SERPINB11: variants seen among roughly 807,000 people sequenced by gnomAD.
The protein encoded by SERPINB11 is serpin B11.
SERPINB11 carries 32 observed loss-of-function variants against 36.7 expected under a neutral mutation model. The observed-to-expected ratio is 0.87, with a 90% confidence interval of 0.66 to 1.17. The LOEUF (loss-of-function observed/expected upper bound fraction) is 1.17, where lower values mean the gene tolerates loss of function less well. SERPINB11 is among the 50% of genes most tolerant of loss of function. The pLI is 0.00. For missense variants in SERPINB11, 528 were observed against 458.4 expected, an observed-to-expected ratio of 1.15 and a Z score of -1.39; for synonymous variants, 174 against 168.1, an observed-to-expected ratio of 1.04 and a Z score of -0.27.
intron 2 of SERPINB11, among the ~76,000 whole-genome samples, chr18:63,710,588 CAGT>C (rs1914497969): frequency 1.3e-5 from 2 of 152,188 alleles, no homozygotes; most frequent in Non-Finnish European, 2.9e-5. Context: ...TTTTTACTAT[CAGT>C]GGTATCACAA....
Position 63,716,113 on chromosome 18 carries a change from A to G in SERPINB11, c.436A>G (p.Arg146Gly). Residue 146 changes from arginine to glycine, a missense_variant, in exon 5 of 8, where the codon AGG (arginine) becomes GGG (glycine). Transcript: ENST00000544088. ...VDFEQSTEET[R>G]KTINAWVENK... is the part of the protein sequence containing the mutation. ...TTTTGAACAGTCTACAGAAGAAACG[A>G]GGAAAACGATTAATGCTTGGGTTGA... The G allele has an allele frequency of 2.5e-6, 4 of 1,611,456 alleles. No homozygotes were observed. The highest frequency in any genetic ancestry group is 3.4e-6 in the Non-Finnish European group (4 of 1,178,282).
chr18:63,712,515 GC>G (rs763501797), intron 3 of SERPINB11, 49 bp from the exon 4 acceptor site: 16 of 1,601,496 alleles, frequency 1.0e-5, no homozygotes, highest in Non-Finnish European at 1.4e-5. Context: ...TTCTCCAATG[GC>G]AAAAATCAAG....
chr18:63,710,390 A>C, intron 2 of SERPINB11, 29 bp downstream of exon 2: 1 of 1,572,024 alleles, frequency 6.4e-7, no homozygotes. Context: ...GTTTGTTCAG[A>C]ACCCAGAAGT....
chr18:63,719,906 T>G, intron 5 of SERPINB11, 107 bp from the exon 6 acceptor site: 3 of 873,912 alleles, frequency 3.4e-6, no homozygotes, highest in Non-Finnish European at 5.0e-6. Flanking sequence ...TATCTCAAAT[T>G]TACAATTAGT....
chr18:63,723,495 C>A lies in SERPINB11; in HGVS notation c.*96C>A. On this transcript the variant is annotated 3_prime_UTR_variant, in exon 8 of 8. Transcript: ENST00000544088. Reference sequence around the variant, plus strand: ...CAAAAAGCTGTTCACACCTCACACACCTCTGTGCCTCAGTTTGCTCATCTG... The same window carrying A: ...CAAAAAGCTGTTCACACCTCACACAACTCTGTGCCTCAGTTTGCTCATCTG... 1 of 1,147,484 alleles carries A rather than the reference C, an allele frequency of 8.7e-7. No homozygotes were observed. The highest frequency in any genetic ancestry group is 1.7e-5 in the South Asian group (1 of 58,984). 71.1% of individuals were successfully genotyped at this position (1,147,484 alleles called of 1,614,324 possible).
intron 6 of SERPINB11, 108 bp downstream of exon 6, chr18:63,720,263 C>A: frequency 1.0e-6 from 1 of 968,710 alleles, no homozygotes. Flanking sequence ...GTCTAGGTTT[C>A]TGTTGGTTCT....
intron 7 of SERPINB11, among the ~76,000 whole-genome samples, chr18:63,722,693 A>G (rs907639993): frequency 1.3e-5 from 2 of 152,214 alleles, no homozygotes; most frequent in African/African-American, 4.8e-5. Context: ...CAGGACCATG[A>G]CAACTTCACA....
chr18:63,721,589 G>C (rs1449332650), intron 7 of SERPINB11, among the ~76,000 whole-genome samples: 1 of 152,212 alleles, frequency 6.6e-6, no homozygotes, highest in South Asian at 2.1e-4. Flanking sequence ...GGGTGATATA[G>C]CCTAACAGTT....
chr18:63,704,282 T>C (rs1914314602), intron 1 of SERPINB11, among the ~76,000 whole-genome samples: 1 of 152,224 alleles, frequency 6.6e-6, no homozygotes, highest in Non-Finnish European at 1.5e-5. Flanking sequence ...AACCAAAATC[T>C]ATAAATCCAT....
intron 5 of SERPINB11, among the ~76,000 whole-genome samples, chr18:63,716,424 T>G (rs905599824): frequency 6.6e-6 from 1 of 152,194 alleles, no homozygotes; most frequent in Non-Finnish European, 1.5e-5. Flanking sequence ...TTTTCACAAT[T>G]AAAAACCCAT....
chr18:63,723,409 G>A lies in SERPINB11; in HGVS notation c.*10G>A. 1 of 1,584,354 alleles carries A rather than the reference G, an allele frequency of 6.3e-7. No homozygotes were observed. On this transcript the variant is annotated 3_prime_UTR_variant, in exon 8 of 8. Transcript: ENST00000544088. ...GCTTGCCTCTCCCTAATCAGATGGGGTTGAGCAAGGCTCAGAGTTGCAGAT... is the reference window on the plus strand; with the variant it reads ...GCTTGCCTCTCCCTAATCAGATGGGATTGAGCAAGGCTCAGAGTTGCAGAT...
chr18:63,714,720 G>T (rs1484681322), intron 4 of SERPINB11, among the ~76,000 whole-genome samples: 1 of 152,116 alleles, frequency 6.6e-6, no homozygotes, highest in Non-Finnish European at 1.5e-5. Context: ...GAACATCGCT[G>T]TTATCCTGTT....
chr18:63,707,410 T>C (rs1034839185), intron 1 of SERPINB11, among the ~76,000 whole-genome samples: 1 of 152,210 alleles, frequency 6.6e-6, no homozygotes, highest in African/African-American at 2.4e-5. Flanking sequence ...TCAAGGGGCA[T>C]GCAAGGCTTC....
At chr18:63,715,226 C>T (rs1277259550) in intron 4 of SERPINB11, among the ~76,000 whole-genome samples, 1 of 152,086 alleles carries the variant, frequency 6.6e-6, no homozygotes, top group Non-Finnish European at 1.5e-5. Flanking sequence ...CCTTAGGTCT[C>T]AGGAATTGCA....
At chr18:63,708,980 G>A (rs750904502) in intron 1 of SERPINB11, among the ~76,000 whole-genome samples, 1 of 152,222 alleles carries the variant, frequency 6.6e-6, no homozygotes, top group South Asian at 2.1e-4. Flanking sequence ...TGATGGCAAT[G>A]AGGCTCCTGA....
At chr18:63,713,311 A>C (rs2144539463) in intron 4 of SERPINB11, among the ~76,000 whole-genome samples, 1 of 152,312 alleles carries the variant, frequency 6.6e-6, no homozygotes, top group East Asian at 1.9e-4. Context: ...ATTGGTATAA[A>C]ATTTCCATTA....
chr18:63,720,505 GA>G (rs1446488352), intron 6 of SERPINB11: 8 of 332,712 alleles, frequency 2.4e-5, no homozygotes, highest in Non-Finnish European at 4.3e-5. Flanking sequence ...GTTTCTTGAG[GA>G]AAGATTAAAA....
intron 3 of SERPINB11, among the ~76,000 whole-genome samples, chr18:63,712,321 C>G (rs1914546876): frequency 6.6e-6 from 1 of 152,112 alleles, no homozygotes; most frequent in African/African-American, 2.4e-5. Flanking sequence ...ATCATTAGGA[C>G]CAACAAGTAC....
chr18:63,723,215 T>C lies in SERPINB11; in HGVS notation c.995T>C (p.Ile332Thr). Residue 332 changes from isoleucine to threonine, a missense_variant, in exon 8 of 8, where the codon ATC (isoleucine) becomes ACC (threonine). By Grantham distance (89) the Ile-to-Thr change is moderately conservative. Coordinates refer to ENST00000544088, the MANE Select transcript of SERPINB11 (RefSeq NM_001370475.1). ...AAGGGCCTATATTTATCAAAAGCCA[T>C]CCACAAGTCATACCTGGATGTCAGC... is the stretch of plus-strand genomic sequence containing the variant. Reference protein sequence around the residue: ...PTKGLYLSKAIHKSYLDVSEE... With the variant: ...PTKGLYLSKATHKSYLDVSEE... 6.2e-7 allele frequency: 1 copy of C among 1,613,832 alleles called. No individual in the cohort carries two copies. Among genetic ancestry groups the C allele is most frequent in the Non-Finnish European group, 8.5e-7 (1 of 1,179,830 alleles).
Sources: allele counts gnomAD v4.1 joint callset (sites outside exome capture counted in the v4.1 genomes callset), GRCh38; gene constraint gnomAD v4.1.1; transcripts MANE v1.5; gene names NCBI Gene and HGNC (gene_info 2026-07-23, HGNC 2026-07-21).